ASPRV1: variants seen among roughly 807,000 people sequenced by gnomAD.
ASPRV1 encodes the protein retroviral-like aspartic protease 1.
A neutral mutation model predicts 11.0 loss-of-function variants in ASPRV1; 7 were observed. The observed-to-expected ratio is 0.64, with a 90% CI of 0.36 to 1.20. The LOEUF (loss-of-function observed/expected upper bound fraction) is 1.20, where lower values mean the gene tolerates loss of function less well. Ranked by LOEUF, ASPRV1 falls within the 50% of genes most tolerant of loss-of-function variation. ASPRV1 has a pLI of 0.02. For synonymous variants in ASPRV1, 136 were observed against 138.4 expected, an observed-to-expected ratio of 0.98 and a Z score of 0.12; for missense variants, 299 against 320.0, an observed-to-expected ratio of 0.93 and a Z score of 0.50.
the ASPRV1 span, chr2:70,011,617 A>G: frequency 6.6e-6 from 1 of 152,388 alleles, no homozygotes; most frequent in African/African-American, 2.4e-5. Context: ...GTAGGGGAAG[A>G]CGAAGAAACC....
At chr2:70,061,310 G>A in the ASPRV1 span, among the ~76,000 whole-genome samples, 3 of 151,204 alleles carry the variant, frequency 2.0e-5, no homozygotes, top group Non-Finnish European at 2.9e-5. Flanking sequence ...CAGGAGAATC[G>A]CTTGAACCTG....
At chr2:70,066,605 A>AC in the ASPRV1 span, among the ~76,000 whole-genome samples, 1 of 147,912 alleles carries the variant, frequency 6.8e-6, no homozygotes, top group Admixed American at 6.8e-5. Flanking sequence ...ATTTTACTTT[A>AC]TTTTTTTTTT....
chr2:70,058,307 C>T, the ASPRV1 span, among the ~76,000 whole-genome samples: 3 of 151,898 alleles, frequency 2.0e-5, no homozygotes, highest in Non-Finnish European at 4.4e-5. Context: ...TAACCTCCAC[C>T]TCTTGGGTTC....
the ASPRV1 span, among the ~76,000 whole-genome samples, chr2:69,977,910 C>T: frequency 1.1e-4 from 17 of 152,206 alleles, no homozygotes; most frequent in Admixed American, 1.1e-3. Context: ...TCATTCCAGG[C>T]TGTCTGGCCT....
At chr2:70,013,130 G>A in the ASPRV1 span, among the ~76,000 whole-genome samples, 4 of 152,340 alleles carry the variant, frequency 2.6e-5, no homozygotes, top group African/African-American at 9.6e-5. Context: ...TTTAGAAGAT[G>A]TGAATAATTC....
At chr2:70,085,192 G>GACGGAAGCAAGTCCC in the ASPRV1 span, among the ~76,000 whole-genome samples, 2 of 152,206 alleles carry the variant, frequency 1.3e-5, no homozygotes, top group Non-Finnish European at 2.9e-5. Flanking sequence ...ATGGGGAGCT[G>GACGGAAGCAAGTCCC]ACGGAAGCAA....
the ASPRV1 span, among the ~76,000 whole-genome samples, chr2:69,989,516 T>C: frequency 6.6e-6 from 1 of 152,176 alleles, no homozygotes; most frequent in Admixed American, 6.5e-5. Flanking sequence ...CAGGAGGCCC[T>C]GGGGCGGGTC....
the ASPRV1 span, chr2:70,073,277 A>G: frequency 1.3e-5 from 2 of 152,184 alleles, no homozygotes; most frequent in African/African-American, 4.8e-5. Flanking sequence ...TTTCAGCTCC[A>G]AGAGTTTTTA....
chr2:70,075,109 A>C, the ASPRV1 span: 1 of 148,214 alleles, frequency 6.7e-6, no homozygotes, highest in African/African-American at 2.5e-5. Flanking sequence ...GAGCAAGATA[A>C]CATCTTTTTT....
chr2:69,966,318 A>T (rs561106748), upstream of ASPRV1, among the ~76,000 whole-genome samples: 4 of 152,348 alleles, frequency 2.6e-5, 1 homozygote, highest in South Asian at 8.3e-4. Flanking sequence ...AGCCCTCCGA[A>T]TTGGGTTTCT....
chr2:70,040,690 C>T, the ASPRV1 span, among the ~76,000 whole-genome samples: 1 of 152,022 alleles, frequency 6.6e-6, no homozygotes, highest in African/African-American at 2.4e-5. Flanking sequence ...AAAAATTAGC[C>T]GGGCGCAGTG....
chr2:70,086,478 CA>C, the ASPRV1 span: 1 of 152,262 alleles, frequency 6.6e-6, no homozygotes, highest in Non-Finnish European at 1.5e-5. Flanking sequence ...GAAGAACCGG[CA>C]AAAAAGGCCT....
the ASPRV1 span, among the ~76,000 whole-genome samples, chr2:70,037,315 C>T: frequency 1.3e-5 from 2 of 152,130 alleles, no homozygotes; most frequent in Non-Finnish European, 2.9e-5. Flanking sequence ...ATCTGCCTGC[C>T]TCAACTTCCT....
At chr2:69,955,687 G>A (rs1374858355), downstream of ASPRV1, among the ~76,000 whole-genome samples, 1 of 152,192 alleles carries the variant, frequency 6.6e-6, no homozygotes, top group Non-Finnish European at 1.5e-5. Context: ...ATGTTTGCAG[G>A]AGCGTGTGTG....
At chr2:69,951,759 TA>T in the ASPRV1 span, among the ~76,000 whole-genome samples, 1 of 152,042 alleles carries the variant, frequency 6.6e-6, no homozygotes, top group Non-Finnish European at 1.5e-5. Flanking sequence ...TTTGGAGTTT[TA>T]GGGGGGTTTT....
At chr2:69,944,256 TC>T in the ASPRV1 span, among the ~76,000 whole-genome samples, 2 of 152,162 alleles carry the variant, frequency 1.3e-5, no homozygotes, top group African/African-American at 2.4e-5. Context: ...TAAAATAGCC[TC>T]CCCCACAAGA....
the ASPRV1 span, among the ~76,000 whole-genome samples, chr2:70,059,482 A>G: frequency 6.6e-6 from 1 of 151,856 alleles, no homozygotes; most frequent in South Asian, 2.1e-4. Flanking sequence ...AGACGTCCCC[A>G]ACCTTTTTGG....
At chr2:70,035,272 C>G in the ASPRV1 span, among the ~76,000 whole-genome samples, 1 of 152,156 alleles carries the variant, frequency 6.6e-6, no homozygotes, top group Non-Finnish European at 1.5e-5. Context: ...GATCCAGTGA[C>G]TGGGACTCAA....
chr2:70,053,817 T>C, the ASPRV1 span: 5 of 152,214 alleles, frequency 3.3e-5, no homozygotes, highest in African/African-American at 1.2e-4. Flanking sequence ...AATTCCCTGC[T>C]AGAAATGGGT....
Sources: allele counts gnomAD v4.1 joint callset (sites outside exome capture counted in the v4.1 genomes callset), GRCh38; gene constraint gnomAD v4.1.1; transcripts MANE v1.5; gene names NCBI Gene and HGNC (gene_info 2026-07-23, HGNC 2026-07-21).